PLEKHS1: variants seen among roughly 807,000 people sequenced by gnomAD.
The protein encoded by PLEKHS1 is pleckstrin homology domain containing S1.
In PLEKHS1, 55 loss-of-function variants were observed where a neutral mutation model predicts 51.0. That is an observed-to-expected ratio of 1.08 (90% CI 0.87 to 1.35). PLEKHS1 has a LOEUF of 1.35. Among genes scored for constraint, PLEKHS1 ranks in the 40% most tolerant of loss-of-function variants. The pLI is 0.00. For synonymous variants in PLEKHS1, 153 were observed against 144.8 expected, an observed-to-expected ratio of 1.06 and a Z score of -0.41; for missense variants, 398 against 423.0, an observed-to-expected ratio of 0.94 and a Z score of 0.52.
At chr10:113,767,783 C>G (rs1229022716) in intron 5 of PLEKHS1, among the ~76,000 whole-genome samples, 12 of 152,250 alleles carry the variant, frequency 7.9e-5, no homozygotes, top group Non-Finnish European at 1.8e-4. Flanking sequence ...TCTGAAGACT[C>G]CAAGGAAAGA....
chr10:113,771,924 A>C (rs1844428666), intron 7 of PLEKHS1, 46 bp from the exon 8 acceptor site: 10 of 1,579,202 alleles, frequency 6.3e-6, no homozygotes, highest in Middle Eastern at 1.7e-4. Context: ...ATTTAATTCT[A>C]TCTCTTGCAA....
intron 2 of PLEKHS1, among the ~76,000 whole-genome samples, chr10:113,764,099 CTTGT>C (rs1162034816): frequency 7.2e-5 from 11 of 151,814 alleles, no homozygotes; most frequent in Non-Finnish European, 1.3e-4. Context: ...ATATAGTTTG[CTTGT>C]TTGTTTGTTT....
intron 8 of PLEKHS1, 50 bp downstream of exon 8, chr10:113,772,139 T>C: frequency 5.6e-6 from 9 of 1,599,510 alleles, no homozygotes; most frequent in Non-Finnish European, 6.8e-6. Context: ...AAATATTTAC[T>C]GAAACCCTGC....
chr10:113,775,162 T>G, intron 10 of PLEKHS1, 127 bp downstream of exon 10: 1 of 830,988 alleles, frequency 1.2e-6, no homozygotes, highest in Non-Finnish European at 1.8e-6. Flanking sequence ...GCCAAAAACT[T>G]GACCATCTTC....
At chr10:113,779,568 T>TAAAAAAAAA in intron 11 of PLEKHS1, among the ~76,000 whole-genome samples, 1 of 115,284 alleles carries the variant, frequency 8.7e-6, no homozygotes, top group Admixed American at 8.1e-5. Context: ...AGACTCTGTC[T>TAAAAAAAAA]CAAAAAAAAA....
intron 8 of PLEKHS1, among the ~76,000 whole-genome samples, chr10:113,773,011 G>A (rs1844480974): frequency 6.6e-6 from 1 of 152,242 alleles, no homozygotes. Flanking sequence ...GAGATAGGAA[G>A]ACAGAATGGA....
chr10:113,780,862 G>C lies in PLEKHS1; in HGVS notation c.*260G>C, dbSNP rs141913965. On this transcript the variant is annotated 3_prime_UTR_variant, in exon 12 of 12. Transcript: ENST00000361048. The stretch of plus-strand genomic sequence containing the variant: ...GCCCCCTGCTGCTGCCATGTGATAG[G>C]AGACAGTCGGCACCCCCCTCTGAAT... 1.2e-3 allele frequency: 1,521 copies of C among 1,303,364 alleles called. 15 individuals are homozygous for C. The African/African-American group carries it at 0.018, about 16-fold the overall frequency. 80.7% of individuals were successfully genotyped at this position (1,303,364 alleles called of 1,614,324 possible).
Position 113,778,328 on chromosome 10 carries a change from A to G in PLEKHS1, c.*-2274A>G, listed in dbSNP as rs200904780. Among the ~76,000 whole-genome samples the G allele has an allele frequency of 2.6e-4, 40 of 152,350 alleles. No individual in the cohort carries two copies. The East Asian group carries it at 7.5e-3, about 29-fold the overall frequency. On this transcript the variant is annotated intron_variant, in intron 11 of 11. Coordinates refer to ENST00000361048, the Ensembl canonical transcript of PLEKHS1. ...ATCTTTTATCTTTTATGAAAAAAAG[A>G]TTAGTCCAAAATATTGGACTTTCCT... is the stretch of plus-strand genomic sequence containing the variant.
chr10:113,765,355 C>T (rs1844114114), intron 2 of PLEKHS1: 1 of 779,438 alleles, frequency 1.3e-6, no homozygotes, highest in Non-Finnish European at 2.4e-6. Context: ...CTACCCAATG[C>T]CCTGTAAATT....
At chr10:113,775,443 C>A (rs934299431) in intron 10 of PLEKHS1, among the ~76,000 whole-genome samples, 1 of 152,068 alleles carries the variant, frequency 6.6e-6, no homozygotes, top group Non-Finnish European at 1.5e-5. Context: ...GCATTTGGTA[C>A]GATTGATGTA....
intron 1 of PLEKHS1, among the ~76,000 whole-genome samples, chr10:113,753,137 C>T (rs922916184): frequency 2.0e-4 from 31 of 152,076 alleles, no homozygotes; most frequent in Non-Finnish European, 1.8e-4. Context: ...TTAAAATATG[C>T]CACCCACAGC....
chr10:113,774,788 T>C (rs1225284413), intron 9 of PLEKHS1, 38 bp from the exon 10 acceptor site: 11 of 1,570,872 alleles, frequency 7.0e-6, no homozygotes, highest in Non-Finnish European at 8.8e-6. Flanking sequence ...TAAAAACACA[T>C]GCTAAAATAG....
chr10:113,764,604 T>C (rs1392182325), intron 2 of PLEKHS1, among the ~76,000 whole-genome samples: 1 of 152,200 alleles, frequency 6.6e-6, no homozygotes, highest in African/African-American at 2.4e-5. Flanking sequence ...GTGCCGAGAT[T>C]CATTGAACTG....
At chr10:113,766,591 T>C (rs763160661) in intron 3 of PLEKHS1, 21 bp from the exon 4 acceptor site, 115 of 1,595,028 alleles carry the variant, frequency 7.2e-5, no homozygotes, top group Non-Finnish European at 9.0e-5. Context: ...AACTAAGACA[T>C]AAAATCTTTT....
chr10:113,779,217 A>AAGTAGAT (rs969569335), intron 11 of PLEKHS1, among the ~76,000 whole-genome samples: 1 of 152,146 alleles, frequency 6.6e-6, no homozygotes, highest in African/African-American at 2.4e-5. Flanking sequence ...GGTGGAAAAG[A>AAGTAGAT]AGTAGATTTC....
intron 11 of PLEKHS1, among the ~76,000 whole-genome samples, chr10:113,779,058 T>A (rs2134590950): frequency 6.6e-6 from 1 of 152,322 alleles, no homozygotes; most frequent in Admixed American, 6.5e-5. Context: ...ATGTGCTACT[T>A]GCTATACAGT....
chr10:113,778,435 C>T (rs997242526), intron 11 of PLEKHS1, among the ~76,000 whole-genome samples: 1 of 152,166 alleles, frequency 6.6e-6, no homozygotes, highest in Non-Finnish European at 1.5e-5. Flanking sequence ...TTTCTTCCAG[C>T]TCTAGGAATT....
chr10:113,766,477 C>T (rs771403432), exon 3 of PLEKHS1: 6 of 1,603,802 alleles, frequency 3.7e-6, no homozygotes, highest in Non-Finnish European at 4.3e-6. Context: ...AAATCACCAC[C>T]TTCTCAGCTG....
rs117714580 is a variant in PLEKHS1, at chr10:113,775,367, T to G, written c.989+332T>G. Among the ~76,000 whole-genome samples the G allele has an allele frequency of 6.7e-4, 102 of 152,334 alleles. No individual in the cohort carries two copies. The East Asian group carries it at 0.018, about 27-fold the overall frequency. On this transcript the variant is annotated intron_variant, in intron 10 of 11. Coordinates refer to ENST00000361048, the Ensembl canonical transcript of PLEKHS1. ...TTTCCCATGAGTGTAATTATGGACA[T>G]GCAAGTTGCATGAGACTTAGTTATA... is the stretch of plus-strand genomic sequence containing the variant.
Sources: allele counts gnomAD v4.1 joint callset (sites outside exome capture counted in the v4.1 genomes callset), GRCh38; gene constraint gnomAD v4.1.1; transcripts MANE v1.5; gene names NCBI Gene and HGNC (gene_info 2026-07-23, HGNC 2026-07-21).